Variants in FBXL5 observed in about 807,000 individuals in gnomAD.
FBXL5 encodes F-box/LRR-repeat protein 5.
FBXL5 carries 26 observed loss-of-function variants against 78.3 expected under a neutral mutation model. The observed-to-expected ratio is 0.33, with a 90% CI of 0.24 to 0.46. The LOEUF (loss-of-function observed/expected upper bound fraction) is 0.46, where lower values mean the gene tolerates loss of function less well. Ranked by LOEUF, FBXL5 falls within the 20% of genes least tolerant of loss-of-function variation. FBXL5 has a pLI of 1.00. For synonymous variants in FBXL5, 295 were observed against 282.5 expected, an observed-to-expected ratio of 1.04 and a Z score of -0.45; for missense variants, 710 against 829.2, an observed-to-expected ratio of 0.86 and a Z score of 1.77.
In FBXL5 at chr4:15,604,745, G is replaced by A. The variant is rs1721770552; in HGVS notation, c.*978C>T. Reference sequence around the variant, plus strand: ...CATAAAATTGTACTAAAAGGCACTAGTATGTGCCTTTCTGGGTGGCAGGCC... The same window carrying A: ...CATAAAATTGTACTAAAAGGCACTAATATGTGCCTTTCTGGGTGGCAGGCC... On this transcript the variant is annotated 3_prime_UTR_variant, in exon 11 of 11. Transcript: ENST00000341285. 6.6e-6 allele frequency: 1 copy of A among 152,212 alleles called. No individual in the cohort carries two copies. The highest frequency in any genetic ancestry group is 1.5e-5 in the Non-Finnish European group (1 of 68,032). The allele number at this position is 152,212 out of a possible 1,614,324, so 9.4% of individuals were successfully genotyped here.
chr4:15,611,275 C>A (rs992080653), intron 10 of FBXL5, among the ~76,000 whole-genome samples: 1 of 152,000 alleles, frequency 6.6e-6, no homozygotes, highest in African/African-American at 2.4e-5. Flanking sequence ...AACCTAATCT[C>A]GAGAAATAGC....
upstream of FBXL5, among the ~76,000 whole-genome samples, chr4:15,662,854 A>G (rs1717378726): frequency 6.6e-6 from 1 of 152,208 alleles, no homozygotes; most frequent in Non-Finnish European, 1.5e-5. Flanking sequence ...GCTAAACATT[A>G]TTCCCAGATT....
chr4:15,679,392 T>C (rs1718116909), intron 1 of FBXL5, among the ~76,000 whole-genome samples: 1 of 152,020 alleles, frequency 6.6e-6, no homozygotes, highest in Admixed American at 6.6e-5. Context: ...ATCCATCCAG[T>C]AGAAAAAACT....
chr4:15,646,820 G>T (rs1412838678), intron 1 of FBXL5, among the ~76,000 whole-genome samples: 2 of 151,554 alleles, frequency 1.3e-5, no homozygotes, highest in Non-Finnish European at 2.9e-5. Context: ...CCTTGCGACA[G>T]TTTGCTGAGA....
chr4:15,625,514 T>C lies in FBXL5; in HGVS notation c.1588A>G (p.Thr530Ala), dbSNP rs772115877. ...CAATGCTGCTGCCAACAGACACTAG[T>C]CCTTAGTCCAACAATGTCCTTACTA... is the stretch of plus-strand genomic sequence containing the variant. ...CFSKDIVGLRTSVCWQQHCAS... is the reference protein window; with the variant it reads ...CFSKDIVGLRASVCWQQHCAS... The change falls in exon 9 of 11, where the codon ACT (threonine) becomes GCT (alanine). Residue 530 changes from threonine to alanine, a missense_variant. By Grantham distance (58) the Thr-to-Ala change is moderately conservative. Transcript: ENST00000341285. 1.2e-6 allele frequency: 2 copies of C among 1,613,934 alleles called. No individual in the cohort carries two copies. Among genetic ancestry groups the C allele is most frequent in the African/African-American group, 2.7e-5 (2 of 74,920 alleles).
intron 1 of FBXL5, among the ~76,000 whole-genome samples, chr4:15,651,654 A>G (rs1445766826): frequency 6.6e-6 from 1 of 152,126 alleles, no homozygotes; most frequent in African/African-American, 2.4e-5. Context: ...TATTCAAATT[A>G]CTCTAAGCTT....
intron 10 of FBXL5, among the ~76,000 whole-genome samples, chr4:15,609,041 T>C (rs1224473423): frequency 6.6e-6 from 1 of 151,974 alleles, no homozygotes; most frequent in Non-Finnish European, 1.5e-5. Context: ...ACAGAATAAA[T>C]GGACAACAGA....
chr4:15,606,376 G>T (rs1359589353), intron 10 of FBXL5, among the ~76,000 whole-genome samples: 1 of 151,834 alleles, frequency 6.6e-6, no homozygotes, highest in Non-Finnish European at 1.5e-5. Flanking sequence ...TATAATGAGT[G>T]ATCAATTAAA....
At position 15,612,086 on chromosome 4, in the gene FBXL5, C is replaced by T. The variant is rs1221627656; in HGVS notation, c.1999+180G>A. On this transcript the variant is annotated intron_variant, in intron 10 of 10. Transcript: ENST00000341285. ...ATATACATCTGCAAGAAAAACTTAC[C>T]TTTCAAGATGTTAATTAATGAAAAT... The T allele has an allele frequency of 4.0e-5, 20 of 494,812 alleles. No homozygotes were observed. The East Asian group carries it at 7.2e-4, about 18-fold the overall frequency. 30.7% of individuals were successfully genotyped at this position (494,812 alleles called of 1,614,324 possible).
At chr4:15,638,853 T>C (rs576508315) in intron 3 of FBXL5, among the ~76,000 whole-genome samples, 159 bp from the exon 4 acceptor site, 3 of 152,286 alleles carry the variant, frequency 2.0e-5, no homozygotes, top group East Asian at 1.9e-4. Context: ...TATCTAAAAA[T>C]TGCAGAGAAG....
chr4:15,617,676 G>A (rs367797563), intron 9 of FBXL5, among the ~76,000 whole-genome samples: 3 of 152,198 alleles, frequency 2.0e-5, no homozygotes, highest in African/African-American at 7.2e-5. Flanking sequence ...CTAGCAAACT[G>A]GTAAACCATC....
upstream of FBXL5, among the ~76,000 whole-genome samples, chr4:15,659,448 G>A (rs183107099): frequency 2.6e-5 from 4 of 152,252 alleles, no homozygotes; most frequent in African/African-American, 7.2e-5. Context: ...ACTGGGTACT[G>A]GGTAAGATTC....
At chr4:15,655,459 G>A (rs1479704737), upstream of FBXL5, 3 of 903,062 alleles carry the variant, frequency 3.3e-6, no homozygotes, top group Non-Finnish European at 4.0e-6. Context: ...GCCGCCATGC[G>A]ATCCCTGCGG....
intron 1 of FBXL5, among the ~76,000 whole-genome samples, chr4:15,680,638 T>C (rs1718198395): frequency 6.6e-6 from 1 of 151,878 alleles, no homozygotes; most frequent in South Asian, 2.1e-4. Flanking sequence ...GCTGCGCCAC[T>C]GCACTCCAGC....
chr4:15,625,833 T>C lies in FBXL5; in HGVS notation c.1269A>G (p.Thr423=), dbSNP rs1560219338. 1.2e-6 allele frequency: 2 copies of C among 1,614,172 alleles called. No individual in the cohort carries two copies. The highest frequency in any genetic ancestry group is 2.2e-5 in the East Asian group (1 of 44,886). Residue 423 remains threonine, a synonymous_variant, in exon 9 of 11, where the codon ACA becomes ACG. Transcript: ENST00000341285. ...SHQSGFLKTS[T]SKITSTAWKN... Reference sequence around the variant, plus strand: ...TCCACGCAGTTGAAGTAATTTTGCTTGTAGATGTTTTCAAAAAGCCACTTT... The same window carrying C: ...TCCACGCAGTTGAAGTAATTTTGCTCGTAGATGTTTTCAAAAAGCCACTTT...
At chr4:15,621,198 A>AT (rs1712441841) in intron 9 of FBXL5, among the ~76,000 whole-genome samples, 1 of 152,168 alleles carries the variant, frequency 6.6e-6, no homozygotes, top group African/African-American at 2.4e-5. Context: ...GCACGACCTT[A>AT]TATGTAGAAA....
intron 7 of FBXL5, among the ~76,000 whole-genome samples, chr4:15,627,561 C>T (rs1194352920): frequency 6.6e-6 from 1 of 152,168 alleles, no homozygotes; most frequent in East Asian, 1.9e-4. Flanking sequence ...ATTTGCCCAT[C>T]TTACCATGCC....
intron 1 of FBXL5, among the ~76,000 whole-genome samples, chr4:15,675,572 ATTTTTTTTTT>A (rs60660814): frequency 3.1e-5 from 3 of 96,704 alleles, no homozygotes; most frequent in African/African-American, 3.9e-5. Flanking sequence ...CAAAACTCCT[ATTTTTTTTTT>A]TTTTTTTTTT....
intron 5 of FBXL5, among the ~76,000 whole-genome samples, chr4:15,635,844 A>T (rs1431435384): frequency 6.6e-6 from 1 of 151,744 alleles, no homozygotes; most frequent in Non-Finnish European, 1.5e-5. Context: ...AGTTGTATTT[A>T]ACCCATAACT....
Sources: gnomAD v4.1 joint callset for allele counts (sites outside exome capture counted in the v4.1 genomes callset) on GRCh38, gnomAD v4.1.1 for gene constraint, MANE v1.5 for transcripts, NCBI Gene and HGNC (gene_info 2026-07-23, HGNC 2026-07-21) for gene names.